MTCL1: variants seen among roughly 807,000 people sequenced by gnomAD.
The protein encoded by MTCL1 is microtubule crosslinking factor 1, also known as microtubule cross-linking factor 1.
In MTCL1, 79 loss-of-function variants were observed where a neutral mutation model predicts 141.4. That is an observed-to-expected ratio of 0.56 (90% confidence interval 0.47 to 0.67). MTCL1 has a LOEUF of 0.67. Among genes scored for constraint, MTCL1 ranks in the 30% least tolerant of loss-of-function variants. The probability of loss-of-function intolerance (pLI) is 0.00; values close to 1 mark genes in which losing one functional copy is unlikely to be tolerated. For missense variants in MTCL1, 2,177 were observed against 2,113.9 expected (o/e 1.03, Z -0.59); for synonymous variants, 914 against 875.8 (o/e 1.04, Z -0.77).
chr18:8,736,635 ATTTTTT>A (rs34650032), intron 4 of MTCL1, among the ~76,000 whole-genome samples: 1 of 117,670 alleles, frequency 8.5e-6, no homozygotes. Flanking sequence ...ATATCCATGT[ATTTTTT>A]TTTTTTTTTT....
chr18:8,809,500 C>G (rs574898430), intron 11 of MTCL1: 5 of 1,536,078 alleles, frequency 3.3e-6, no homozygotes, highest in African/African-American at 2.7e-5. Flanking sequence ...TTAGGCTTCA[C>G]CAGGCTGCCA....
chr18:8,745,334 C>A (rs187446828), intron 4 of MTCL1, among the ~76,000 whole-genome samples: 1 of 152,098 alleles, frequency 6.6e-6, no homozygotes, highest in Non-Finnish European at 1.5e-5. Flanking sequence ...GTGTACCCCT[C>A]GGATGTATAT....
At chr18:8,752,330 A>G (rs1376469052) in intron 4 of MTCL1, among the ~76,000 whole-genome samples, 2 of 152,084 alleles carry the variant, frequency 1.3e-5, no homozygotes, top group Non-Finnish European at 2.9e-5. Flanking sequence ...AATTTGTTAA[A>G]GTTTTCTCTT....
chr18:8,743,770 T>G (rs1402237240), intron 4 of MTCL1, among the ~76,000 whole-genome samples: 4 of 152,252 alleles, frequency 2.6e-5, no homozygotes. Context: ...TGCAGGATAA[T>G]CTCCCTATTT....
intron 10 of MTCL1, among the ~76,000 whole-genome samples, chr18:8,804,646 TC>T (rs2076230978): frequency 6.6e-6 from 1 of 152,136 alleles, no homozygotes; most frequent in Non-Finnish European, 1.5e-5. Flanking sequence ...TAAAAATTGT[TC>T]CCTGTGAGAA....
At chr18:8,813,367 A>G (rs1389753807) in intron 12 of MTCL1, 134 bp downstream of exon 11, 2 of 1,089,218 alleles carry the variant, frequency 1.8e-6, no homozygotes, top group Admixed American at 5.7e-5. Flanking sequence ...AGGAAGAGAG[A>G]GAAATTCTAG....
chr18:8,718,546 C>T, exon 3 of MTCL1: 1 of 1,614,206 alleles, frequency 6.2e-7, no homozygotes, highest in Non-Finnish European at 8.5e-7. Context: ...ACTGCCGAAT[C>T]CTGCAGTACC....
At chr18:8,785,457 G>A (rs1009330017) in intron 6 of MTCL1, among the ~76,000 whole-genome samples, 2 of 152,186 alleles carry the variant, frequency 1.3e-5, no homozygotes, top group African/African-American at 4.8e-5. Flanking sequence ...CGCTGGGGAG[G>A]GCGCGGAGGG....
chr18:8,776,837 T>C (rs2096512003), intron 4 of MTCL1, among the ~76,000 whole-genome samples: 1 of 152,084 alleles, frequency 6.6e-6, no homozygotes, highest in African/African-American at 2.4e-5. Flanking sequence ...TCATAGCTCA[T>C]TGCAGCCTCG....
chr18:8,726,901 G>A (rs2096219246), intron 4 of MTCL1, among the ~76,000 whole-genome samples: 1 of 152,086 alleles, frequency 6.6e-6, no homozygotes, highest in Admixed American at 6.5e-5. Flanking sequence ...CCACCCGAAC[G>A]GTGACTGTAC....
chr18:8,826,499 GTGAT>G (rs2077031733), intron 15 of MTCL1, among the ~76,000 whole-genome samples: 2 of 152,028 alleles, frequency 1.3e-5, no homozygotes, highest in Non-Finnish European at 2.9e-5. Flanking sequence ...CCAGTCTTAA[GTGAT>G]TGATCCTTAT....
chr18:8,760,291 ACTT>A (rs1484262943), intron 4 of MTCL1, among the ~76,000 whole-genome samples: 3 of 152,122 alleles, frequency 2.0e-5, no homozygotes, highest in African/African-American at 7.2e-5. Flanking sequence ...TGGGCAAGTT[ACTT>A]CTTCTGAGCC....
At chr18:8,759,323 C>T (rs190148852) in intron 4 of MTCL1, among the ~76,000 whole-genome samples, 1 of 152,320 alleles carries the variant, frequency 6.6e-6, no homozygotes, top group African/African-American at 2.4e-5. Context: ...GGGCTCAATA[C>T]TTTATTCATT....
chr18:8,809,530 C>T (rs1243363189), intron 11 of MTCL1: 31 of 1,536,192 alleles, frequency 2.0e-5, no homozygotes, highest in East Asian at 4.9e-5. Context: ...ACGGTAAAAA[C>T]GTTGAAGAGC....
At chr18:8,826,064 A>T in exon 15 of MTCL1, 1 of 1,611,696 alleles carries the variant, frequency 6.2e-7, no homozygotes, top group South Asian at 1.1e-5. Flanking sequence ...AGCAGGACTT[A>T]TCTGCTCCCC....
chr18:8,767,604 G>C (rs2096465392), intron 4 of MTCL1, among the ~76,000 whole-genome samples: 1 of 152,162 alleles, frequency 6.6e-6, no homozygotes, highest in South Asian at 2.1e-4. Context: ...TTAATCTCCT[G>C]TTCATTTCTG....
intron 4 of MTCL1, among the ~76,000 whole-genome samples, chr18:8,729,673 A>AATATAT (rs3051533): frequency 4.2e-4 from 55 of 131,546 alleles, no homozygotes; most frequent in Non-Finnish European, 6.8e-4. Flanking sequence ...CAAGAAGACA[A>AATATAT]ATATATATAT....
At chr18:8,826,662 C>G (rs1012903699) in intron 15 of MTCL1, among the ~76,000 whole-genome samples, 3 of 152,134 alleles carry the variant, frequency 2.0e-5, no homozygotes, top group Admixed American at 6.5e-5. Context: ...AGGGTCTGGA[C>G]CACATGAGCA....
exon 15 of MTCL1, chr18:8,825,989 G>T (rs145849851): frequency 1.7e-5 from 28 of 1,601,140 alleles, no homozygotes; most frequent in Non-Finnish European, 2.2e-5. Context: ...GAGGAAGGTC[G>T]CCTAGCCCCA....
Sources: gnomAD v4.1 joint callset for allele counts (sites outside exome capture counted in the v4.1 genomes callset) on GRCh38, gnomAD v4.1.1 for gene constraint, MANE v1.5 for transcripts, NCBI Gene and HGNC (gene_info 2026-07-23, HGNC 2026-07-21) for gene names.